The following SPMIP3 variants were observed in gnomAD, a reference collection of about 807,000 sequenced individuals.
SPMIP3 encodes the protein protein SPMIP3.
chr1:244,368,882 C>T, the SPMIP3 span, among the ~76,000 whole-genome samples: 15 of 152,298 alleles, frequency 9.8e-5, no homozygotes, highest in South Asian at 6.2e-4. Context: ...TCATATTGGC[C>T]GGGTGCGGTG....
chr1:244,355,268 G>A, the SPMIP3 span, among the ~76,000 whole-genome samples: 1 of 152,212 alleles, frequency 6.6e-6, no homozygotes, highest in African/African-American at 2.4e-5. Context: ...CAGGTGGATG[G>A]TGGGTGTTAG....
At chr1:244,362,060 A>G in the SPMIP3 span, among the ~76,000 whole-genome samples, 1 of 152,210 alleles carries the variant, frequency 6.6e-6, no homozygotes. Flanking sequence ...AGTACATTAT[A>G]TAATGATTAG....
chr1:244,374,894 A>T, the SPMIP3 span, among the ~76,000 whole-genome samples: 1 of 151,924 alleles, frequency 6.6e-6, no homozygotes, highest in Non-Finnish European at 1.5e-5. Context: ...CACCGTGCCC[A>T]GCCCGATTCC....
chr1:244,354,288 G>A, the SPMIP3 span, among the ~76,000 whole-genome samples: 21 of 151,068 alleles, frequency 1.4e-4, no homozygotes, highest in East Asian at 3.9e-3. Context: ...CCCATAAGTT[G>A]ATTAAATTTG....
At chr1:244,363,616 A>C in the SPMIP3 span, among the ~76,000 whole-genome samples, 1 of 152,146 alleles carries the variant, frequency 6.6e-6, no homozygotes, top group Non-Finnish European at 1.5e-5. Context: ...ATCACTGGTA[A>C]AGCTATGTCA....
the SPMIP3 span, among the ~76,000 whole-genome samples, chr1:244,363,332 C>A: frequency 6.6e-6 from 1 of 151,678 alleles, no homozygotes; most frequent in South Asian, 2.1e-4. Context: ...TGTTTGAACC[C>A]GGGAGGTGGA....
the SPMIP3 span, chr1:244,364,735 G>C: frequency 6.2e-7 from 1 of 1,613,786 alleles, no homozygotes; most frequent in African/African-American, 1.3e-5. Flanking sequence ...TTTATTGAGC[G>C]TCGCCCAGTG....
the SPMIP3 span, chr1:244,364,741 C>T: frequency 6.2e-7 from 1 of 1,614,092 alleles, no homozygotes; most frequent in Non-Finnish European, 8.5e-7. Context: ...GAGCGTCGCC[C>T]AGTGATCCCG....
chr1:244,371,061 G>A, the SPMIP3 span, among the ~76,000 whole-genome samples: 3 of 152,114 alleles, frequency 2.0e-5, no homozygotes, highest in East Asian at 1.9e-4. Flanking sequence ...TGGAGGGACC[G>A]ACACCTCTGG....
At chr1:244,361,575 T>C in the SPMIP3 span, among the ~76,000 whole-genome samples, 104 of 152,026 alleles carry the variant, frequency 6.8e-4, 2 homozygotes, top group East Asian at 0.018. Flanking sequence ...AGAATGTTCC[T>C]AACACAAAGA....
At chr1:244,380,551 C>G in the SPMIP3 span, among the ~76,000 whole-genome samples, 5 of 152,118 alleles carry the variant, frequency 3.3e-5, no homozygotes, top group African/African-American at 1.2e-4. Context: ...TAGGAAAAGC[C>G]AAGTCAGAGG....
At chr1:244,357,758 GATA>G in the SPMIP3 span, among the ~76,000 whole-genome samples, 1 of 148,286 alleles carries the variant, frequency 6.7e-6, no homozygotes, top group Non-Finnish European at 1.5e-5. Context: ...AAAGTTTCAT[GATA>G]TATTGTTCAA....
the SPMIP3 span, among the ~76,000 whole-genome samples, chr1:244,364,386 T>G: frequency 7.2e-5 from 11 of 152,306 alleles, no homozygotes; most frequent in African/African-American, 2.6e-4. Context: ...ATTACAGGCG[T>G]GAGCCACCAC....
the SPMIP3 span, among the ~76,000 whole-genome samples, chr1:244,353,879 C>T: frequency 6.6e-6 from 1 of 152,154 alleles, no homozygotes; most frequent in Non-Finnish European, 1.5e-5. Flanking sequence ...TCTCATCGCA[C>T]AGGCTCAGAG....
At chr1:244,366,758 G>A in the SPMIP3 span, among the ~76,000 whole-genome samples, 8 of 151,902 alleles carry the variant, frequency 5.3e-5, no homozygotes, top group Non-Finnish European at 1.2e-4. Context: ...CACACACCTG[G>A]AATCCCAGCT....
chr1:244,387,042 A>T, the SPMIP3 span, among the ~76,000 whole-genome samples: 3 of 152,204 alleles, frequency 2.0e-5, no homozygotes, highest in Non-Finnish European at 4.4e-5. Flanking sequence ...AGTGGCTCAC[A>T]CCTGTAATCC....
chr1:244,388,909 G>T, the SPMIP3 span: 1 of 1,480,784 alleles, frequency 6.8e-7, no homozygotes, highest in Non-Finnish European at 9.4e-7. Context: ...AATTAGGAGT[G>T]AGTAGTCTTT....
At chr1:244,369,472 G>A in the SPMIP3 span, among the ~76,000 whole-genome samples, 1 of 152,212 alleles carries the variant, frequency 6.6e-6, no homozygotes, top group East Asian at 1.9e-4. Flanking sequence ...GGTACAACCC[G>A]TGGTTCATTG....
chr1:244,375,185 G>A, the SPMIP3 span: 74 of 459,418 alleles, frequency 1.6e-4, no homozygotes, highest in Middle Eastern at 4.0e-3. Flanking sequence ...ACTCAGCTAT[G>A]GTAGAAAAGG....
Sources: allele counts gnomAD v4.1 joint callset (sites outside exome capture counted in the v4.1 genomes callset), GRCh38; gene constraint gnomAD v4.1.1; transcripts MANE v1.5; gene names NCBI Gene and HGNC (gene_info 2026-07-23, HGNC 2026-07-21).